Variants in THAP6 observed in about 807,000 individuals in gnomAD.
THAP6 encodes the protein THAP domain containing 6.
THAP6 carries 13 observed loss-of-function variants against 20.0 expected under a neutral mutation model. The observed-to-expected ratio is 0.65, with a 90% CI of 0.42 to 1.03. The LOEUF is 1.03. Among genes scored for constraint, THAP6 ranks in the 50% least tolerant of loss-of-function variants. THAP6 has a pLI of 0.00. For missense variants in THAP6, 262 were observed against 261.6 expected (o/e 1.00, Z -0.01); for synonymous variants, 93 against 92.2 (o/e 1.01, Z -0.05).
chr4:75,541,882 G>T (rs566420095), intron 2 of THAP6, among the ~76,000 whole-genome samples: 3 of 151,770 alleles, frequency 2.0e-5, no homozygotes, highest in Admixed American at 2.0e-4. Context: ...CTTGAGCGCA[G>T]AGGGGCGGAG....
chr4:75,547,328 AT>A (rs1194901398), intron 3 of THAP6, among the ~76,000 whole-genome samples: 1 of 152,238 alleles, frequency 6.6e-6, no homozygotes, highest in African/African-American at 2.4e-5. Context: ...TTGAAAAAAA[AT>A]TAAAAGACTC....
chr4:75,516,545 G>GA (rs1725651497), intron 2 of THAP6, among the ~76,000 whole-genome samples: 1 of 152,026 alleles, frequency 6.6e-6, no homozygotes, highest in South Asian at 2.1e-4. Flanking sequence ...TATAATGTGA[G>GA]AAAAAATGAA....
At chr4:75,540,107 C>T in intron 2 of THAP6, 1 of 974,032 alleles carries the variant, frequency 1.0e-6, no homozygotes, top group East Asian at 2.6e-5. Context: ...TTTAATCTAT[C>T]TTAGATATGT....
At position 75,527,803 on chromosome 4, in the gene THAP6, A is replaced by T; in HGVS notation, c.*589A>T. ...TTTTAAAATTGTTCACAGCCAATTT[A>T]AGAAGACCCCTCATGAAGTCTCAGT... On this transcript the variant is annotated 3_prime_UTR_variant, in exon 5 of 5. Transcript: ENST00000311638. 1 of 986,166 alleles carries T rather than the reference A, an allele frequency of 1.0e-6. No individual in the cohort carries two copies. Among genetic ancestry groups the T allele is most frequent in the Middle Eastern group, 5.2e-4 (1 of 1,914 alleles). 61.1% of individuals were successfully genotyped at this position (986,166 alleles called of 1,614,324 possible). A position where few individuals can be genotyped will look rare whatever the true frequency, so the allele number is the denominator to read the frequency against.
chr4:75,542,783 G>T (rs903726420), intron 3 of THAP6: 2 of 243,442 alleles, frequency 8.2e-6, no homozygotes, highest in Non-Finnish European at 7.9e-6. Flanking sequence ...TTCACTCATT[G>T]TTGAATTGTT....
intron 3 of THAP6, among the ~76,000 whole-genome samples, chr4:75,517,908 A>C (rs1473832473): frequency 6.6e-6 from 1 of 152,198 alleles, no homozygotes; most frequent in African/African-American, 2.4e-5. Context: ...TGATTGATTG[A>C]TTCCAATGTG....
chr4:75,540,049 C>T, intron 2 of THAP6: 1 of 1,410,372 alleles, frequency 7.1e-7, no homozygotes, highest in Non-Finnish European at 9.5e-7. Context: ...GGGAAAATTT[C>T]AATCACCATC....
chr4:75,536,858 A>T (rs1272104061), intron 2 of THAP6, among the ~76,000 whole-genome samples: 5 of 152,204 alleles, frequency 3.3e-5, no homozygotes, highest in Non-Finnish European at 7.3e-5. Flanking sequence ...CAAAGAATCC[A>T]GTAGGTTAAA....
downstream of THAP6, chr4:75,530,090 G>A (rs1264243639): frequency 1.6e-5 from 16 of 984,390 alleles, no homozygotes; most frequent in Admixed American, 1.2e-4. Context: ...TGAAGAGTAC[G>A]TACGTAGAGG....
At chr4:75,540,392 A>G (rs1232543186) in intron 2 of THAP6, among the ~76,000 whole-genome samples, 2 of 152,220 alleles carry the variant, frequency 1.3e-5, no homozygotes, top group African/African-American at 4.8e-5. Context: ...TAGGCTAGCT[A>G]CTTTGTGTAG....
downstream of THAP6, among the ~76,000 whole-genome samples, chr4:75,531,613 AT>A (rs1242317191): frequency 6.6e-6 from 1 of 152,190 alleles, no homozygotes; most frequent in Non-Finnish European, 1.5e-5. Flanking sequence ...CACACTGCTG[AT>A]AAAGACATAC....
At chr4:75,517,016 CTTTTT>C (rs34218401) in intron 3 of THAP6, 37 bp downstream of exon 3, 335 of 902,746 alleles carry the variant, frequency 3.7e-4, no homozygotes, top group Non-Finnish European at 4.0e-4. Flanking sequence ...TCATTGCTCA[CTTTTT>C]TTTTTTTTTT....
At chr4:75,542,001 T>A (rs1727019733) in intron 2 of THAP6, among the ~76,000 whole-genome samples, 1 of 150,932 alleles carries the variant, frequency 6.6e-6, no homozygotes, top group African/African-American at 2.4e-5. Flanking sequence ...CTCTGAAAAA[T>A]GAGGTATTAC....
At chr4:75,540,103 C>T in intron 2 of THAP6, 2 of 998,082 alleles carry the variant, frequency 2.0e-6, no homozygotes, top group East Asian at 5.2e-5. Flanking sequence ...GCCATTTAAT[C>T]TATCTTAGAT....
downstream of THAP6, among the ~76,000 whole-genome samples, chr4:75,534,221 A>G (rs1350134153): frequency 1.3e-5 from 2 of 152,138 alleles, no homozygotes; most frequent in African/African-American, 4.8e-5. Context: ...CAATAAACAT[A>G]CAATGGAACA....
At chr4:75,532,469 C>T (rs867359371), downstream of THAP6, among the ~76,000 whole-genome samples, 1 of 152,192 alleles carries the variant, frequency 6.6e-6, no homozygotes, top group South Asian at 2.1e-4. Context: ...ACAGTGCAAG[C>T]TGTTGGTGGA....
rs542485556 is a variant in THAP6 at position 75,519,832 on chromosome 4, G to A, written c.289-1904G>A. The stretch of plus-strand genomic sequence containing the variant: ...ATAGCAGCATGATTTATAGTCCTTT[G>A]GGTATATACCCAGTAATGGGATGGC... On this transcript the variant is annotated intron_variant, in intron 3 of 4. Coordinates refer to ENST00000311638, the MANE Select transcript of THAP6 (RefSeq NM_144721.6). Among the ~76,000 whole-genome samples the A allele has an allele frequency of 9.9e-5, 15 of 151,674 alleles. No homozygotes were observed. The South Asian group carries it at 1.7e-3, about 17-fold the overall frequency.
At chr4:75,521,928 C>A (rs2148813893) in intron 4 of THAP6, 67 bp downstream of exon 4, 1 of 1,584,408 alleles carries the variant, frequency 6.3e-7, no homozygotes, top group South Asian at 1.1e-5. Context: ...CCATTACAAT[C>A]AAATTTTTCA....
At chr4:75,537,125 G>A (rs894628482) in intron 2 of THAP6, among the ~76,000 whole-genome samples, 1 of 152,034 alleles carries the variant, frequency 6.6e-6, no homozygotes, top group African/African-American at 2.4e-5. Context: ...AAAAAAATAT[G>A]AGTATGGGCA....
Sources: allele counts gnomAD v4.1 joint callset (sites outside exome capture counted in the v4.1 genomes callset), GRCh38; gene constraint gnomAD v4.1.1; transcripts MANE v1.5; gene names NCBI Gene and HGNC (gene_info 2026-07-23, HGNC 2026-07-21).